ADGRV1: variants seen among roughly 807,000 people sequenced by gnomAD.
ADGRV1 encodes the protein adhesion G protein-coupled receptor V1.
ADGRV1 carries 359 observed loss-of-function variants against 596.2 expected under a neutral mutation model. The observed-to-expected ratio is 0.60, with a 90% CI of 0.55 to 0.66. ADGRV1 has a LOEUF of 0.66. Ranked by LOEUF, ADGRV1 falls within the 30% of genes least tolerant of loss-of-function variation. ADGRV1 has a pLI of 0.00. For synonymous variants in ADGRV1, 2,681 were observed against 2,679.2 expected (o/e 1.00, Z -0.02); for missense variants, 7,274 against 7,575.6 (o/e 0.96, Z 1.48).
chr5:90,854,145 G>A lies in ADGRV1; in HGVS notation c.17538G>A (p.Glu5846=). Residue 5846 remains glutamate, a synonymous_variant, in exon 81 of 90, where the codon GAG becomes GAA. Coordinates refer to ENST00000405460, the MANE Select transcript of ADGRV1 (RefSeq NM_032119.4). ...NEVLYRIYAA[E]PRIIPQTSLC... is the part of the protein sequence containing the mutation. ...TTCTCTACAGGATTTATGCTGCTGA[G>A]CCTAGAATTATTCCTCAGACATCTC... The A allele has an allele frequency of 6.4e-7, 1 of 1,565,734 alleles. No individual in the cohort carries two copies. Among genetic ancestry groups the A allele is most frequent in the Non-Finnish European group, 8.7e-7 (1 of 1,153,248 alleles).
chr5:90,976,832 C>T (rs1779656246), intron 84 of ADGRV1, among the ~76,000 whole-genome samples: 1 of 152,142 alleles, frequency 6.6e-6, no homozygotes, highest in Admixed American at 6.5e-5. Context: ...GCAGTCTGCT[C>T]ATCTCATGCC....
intron 73 of ADGRV1, among the ~76,000 whole-genome samples, chr5:90,808,004 G>T (rs1258182444): frequency 6.6e-6 from 1 of 152,186 alleles, no homozygotes; most frequent in Non-Finnish European, 1.5e-5. Context: ...CATGATGGCA[G>T]TTCTCCTCTT....
chr5:90,796,516 C>T (rs924898667), intron 70 of ADGRV1, among the ~76,000 whole-genome samples: 12 of 152,248 alleles, frequency 7.9e-5, no homozygotes, highest in Non-Finnish European at 1.5e-4. Flanking sequence ...CTGAAAGTGA[C>T]AGGGAGAATG....
intron 17 of ADGRV1, 88 bp from the exon 18 acceptor site, chr5:90,651,516 A>G (rs1768621233): frequency 8.7e-7 from 1 of 1,151,450 alleles, no homozygotes; most frequent in African/African-American, 1.6e-5. Context: ...TTTTCAACTT[A>G]ATTGTAAACT....
In ADGRV1 at chr5:90,802,788, T is replaced by C. The variant is rs565755832; in HGVS notation, c.14567T>C (p.Met4856Thr). The C allele has an allele frequency of 3.7e-6, 6 of 1,613,274 alleles. No individual in the cohort carries two copies. Among genetic ancestry groups the C allele is most frequent in the Non-Finnish European group, 5.1e-6 (6 of 1,179,604 alleles). The change falls in exon 71 of 90, where the codon ATG (methionine) becomes ACG (threonine). Residue 4856 changes from methionine to threonine, a missense_variant. Met to Thr is a moderately conservative substitution (Grantham distance 81, BLOSUM62 -1). Transcript: ENST00000405460. ...SNFTLQLVTV[M>T]LVGGRFYGMP... Reference sequence around the variant, plus strand: ...TTCACTTTGCAACTGGTGACTGTGATGCTTGTCGGTGGACGTTTCTATGGA... The same window carrying C: ...TTCACTTTGCAACTGGTGACTGTGACGCTTGTCGGTGGACGTTTCTATGGA...
intron 86 of ADGRV1, 76 bp downstream of exon 86, chr5:91,072,680 A>G: frequency 1.3e-6 from 2 of 1,485,590 alleles, no homozygotes; most frequent in African/African-American, 1.4e-5. Flanking sequence ...AATTTTTTTT[A>G]TCAAAAAGAG....
intron 83 of ADGRV1, among the ~76,000 whole-genome samples, chr5:90,952,414 G>A (rs544300970): frequency 2.0e-5 from 3 of 152,064 alleles, no homozygotes; most frequent in Non-Finnish European, 4.4e-5. Flanking sequence ...TCTACTTGCT[G>A]TTCAAGAGTA....
intron 85 of ADGRV1, among the ~76,000 whole-genome samples, chr5:91,045,705 T>C (rs1267340647): frequency 6.6e-6 from 1 of 152,230 alleles, no homozygotes; most frequent in East Asian, 1.9e-4. Context: ...AATAAGGGCA[T>C]CCAAATCAGT....
chr5:90,596,545 C>T (rs749816554), intron 1 of ADGRV1, among the ~76,000 whole-genome samples: 8 of 152,120 alleles, frequency 5.3e-5, no homozygotes, highest in Admixed American at 6.5e-5. Context: ...CCCCGCACCT[C>T]GGGAGGCAGA....
chr5:90,955,935 T>C (rs1055794141), intron 83 of ADGRV1, among the ~76,000 whole-genome samples: 1 of 152,144 alleles, frequency 6.6e-6, no homozygotes, highest in Non-Finnish European at 1.5e-5. Context: ...ATTAATTTCT[T>C]TTATGTTGTC....
At chr5:90,982,288 G>A (rs2151035262) in intron 84 of ADGRV1, among the ~76,000 whole-genome samples, 1 of 152,206 alleles carries the variant, frequency 6.6e-6, no homozygotes, top group East Asian at 1.9e-4. Flanking sequence ...TGGTAACGTT[G>A]GTTTCATGAT....
rs60659185 is a variant in ADGRV1 at position 90,809,293 on chromosome 5, TACAC to T, written c.14973-909_14973-906del. The stretch of plus-strand genomic sequence containing the variant: ...GTGCTTACTCTAGGCCGGGCATAAA[TACAC>T]ACACACACACACACACACACACACA... On this transcript the variant is annotated intron_variant, in intron 73 of 89. Transcript: ENST00000405460. Among the ~76,000 whole-genome samples, 427 of 134,624 alleles carry T rather than the reference TACAC, an allele frequency of 3.2e-3. 4 individuals are homozygous for T. The highest frequency in any genetic ancestry group is 0.011 in the African/African-American group (398 of 35,386). 88.3% of individuals were successfully genotyped at this position (134,624 alleles called of 152,430 possible).
intron 83 of ADGRV1, among the ~76,000 whole-genome samples, chr5:90,949,473 G>A (rs189796184): frequency 2.0e-5 from 3 of 152,284 alleles, no homozygotes; most frequent in Non-Finnish European, 4.4e-5. Context: ...AAATCATGTA[G>A]TACATGTATT....
At chr5:90,983,333 G>C (rs973431474) in intron 84 of ADGRV1, among the ~76,000 whole-genome samples, 2 of 152,146 alleles carry the variant, frequency 1.3e-5, no homozygotes, top group African/African-American at 4.8e-5. Flanking sequence ...AATTCTGACT[G>C]ATGGAACTAA....
At chr5:90,738,880 G>T (rs1580948273) in intron 50 of ADGRV1, among the ~76,000 whole-genome samples, 1 of 152,000 alleles carries the variant, frequency 6.6e-6, no homozygotes, top group East Asian at 1.9e-4. Context: ...TAAAAATAAT[G>T]ATTCTTGGTA....
At chr5:90,683,457 C>A in intron 27 of ADGRV1, 129 bp from the exon 28 acceptor site, 1 of 705,854 alleles carries the variant, frequency 1.4e-6, no homozygotes, top group Non-Finnish European at 2.3e-6. Context: ...CTGCCTGCAG[C>A]AGTCTTGTAG....
At chr5:90,615,789 A>G (rs1368507400) in intron 2 of ADGRV1, among the ~76,000 whole-genome samples, 3 of 152,090 alleles carry the variant, frequency 2.0e-5, no homozygotes, top group South Asian at 2.1e-4. Flanking sequence ...TAGAGTACAC[A>G]TTATATGAGA....
intron 86 of ADGRV1, among the ~76,000 whole-genome samples, chr5:91,077,004 C>A (rs1488158671): frequency 6.6e-6 from 1 of 152,062 alleles, no homozygotes; most frequent in African/African-American, 2.4e-5. Context: ...TTTACTCTAC[C>A]ACGGAGCACT....
intron 1 of ADGRV1, among the ~76,000 whole-genome samples, chr5:90,593,603 A>T (rs1229296883): frequency 4.6e-5 from 7 of 152,154 alleles, no homozygotes; most frequent in Non-Finnish European, 2.9e-5. Flanking sequence ...GTATAATAAT[A>T]ATTTTTTAAA....
Sources: gnomAD v4.1 joint callset for allele counts (sites outside exome capture counted in the v4.1 genomes callset) on GRCh38, gnomAD v4.1.1 for gene constraint, MANE v1.5 for transcripts, NCBI Gene and HGNC (gene_info 2026-07-23, HGNC 2026-07-21) for gene names.